RASAL2: variants seen among roughly 807,000 people sequenced by gnomAD.
The protein encoded by RASAL2 is RAS protein activator like 2.
RASAL2 carries 58 observed loss-of-function variants against 128.9 expected under a neutral mutation model. The ratio of observed to expected loss-of-function variants is 0.45; its 90% CI spans 0.36 to 0.56. The LOEUF (loss-of-function observed/expected upper bound fraction) is 0.56. RASAL2 is among the 20% of genes least tolerant of loss of function. The pLI, the probability that RASAL2 is intolerant of heterozygous loss-of-function variation, is 0.00. For synonymous variants in RASAL2, 561 were observed against 580.8 expected (o/e 0.97, Z 0.49); for missense variants, 1,360 against 1,601.6 (o/e 0.85, Z 2.57).
intron 3 of RASAL2, among the ~76,000 whole-genome samples, chr1:178,307,280 A>C (rs1257870577): frequency 6.6e-6 from 1 of 152,066 alleles, no homozygotes; most frequent in Admixed American, 6.6e-5. Context: ...TACTTTTAAA[A>C]AAAAAATTTT....
intron 1 of RASAL2, among the ~76,000 whole-genome samples, chr1:178,255,930 G>A (rs928883650): frequency 2.0e-5 from 3 of 152,098 alleles, no homozygotes; most frequent in African/African-American, 7.2e-5. Context: ...TCAACTATAC[G>A]TTTTCTACAG....
intron 1 of RASAL2, among the ~76,000 whole-genome samples, chr1:178,141,677 G>A (rs910773492): frequency 6.6e-6 from 1 of 152,190 alleles, no homozygotes; most frequent in Middle Eastern, 3.4e-3. Flanking sequence ...GAGTGCCTTC[G>A]ATGTCATTAA....
chr1:178,278,061 A>C (rs1185927559), intron 1 of RASAL2, among the ~76,000 whole-genome samples: 1 of 152,188 alleles, frequency 6.6e-6, no homozygotes, highest in Admixed American at 6.5e-5. Flanking sequence ...TAAGCAAAAG[A>C]ATGAAAGCTG....
chr1:178,184,757 C>G (rs1218436161), intron 1 of RASAL2, among the ~76,000 whole-genome samples: 1 of 151,990 alleles, frequency 6.6e-6, no homozygotes, highest in Non-Finnish European at 1.5e-5. Context: ...CAGTGTGATC[C>G]TTCAACTTTG....
intron 1 of RASAL2, among the ~76,000 whole-genome samples, chr1:178,277,147 CAAAAA>C (rs61384367): frequency 1.8e-5 from 1 of 55,146 alleles, no homozygotes; most frequent in Non-Finnish European, 3.5e-5. Context: ...GATTCCCTCT[CAAAAA>C]AAAAAAAAAA....
intron 5 of RASAL2, among the ~76,000 whole-genome samples, chr1:178,432,831 C>T (rs1177252654): frequency 6.6e-6 from 1 of 152,104 alleles, no homozygotes; most frequent in Non-Finnish European, 1.5e-5. Flanking sequence ...AGATTACTAC[C>T]ATAATCAATG....
chr1:178,114,067 T>TG (rs1304549841), intron 1 of RASAL2, among the ~76,000 whole-genome samples: 13 of 152,202 alleles, frequency 8.5e-5, no homozygotes, highest in African/African-American at 1.9e-4. Flanking sequence ...CTAGTGTTTT[T>TG]TTTTGTTTTG....
intron 1 of RASAL2, among the ~76,000 whole-genome samples, chr1:178,256,655 T>C (rs763599056): frequency 6.6e-6 from 1 of 152,168 alleles, no homozygotes; most frequent in Non-Finnish European, 1.5e-5. Flanking sequence ...GGATACAAAA[T>C]CAATGTATAG....
intron 3 of RASAL2, among the ~76,000 whole-genome samples, chr1:178,337,519 G>C (rs1446282885): frequency 6.6e-6 from 1 of 152,126 alleles, no homozygotes; most frequent in Non-Finnish European, 1.5e-5. Context: ...AAAAGACACT[G>C]TGTTTATGGT....
At chr1:178,322,048 G>T (rs1222218574) in intron 3 of RASAL2, among the ~76,000 whole-genome samples, 1 of 151,570 alleles carries the variant, frequency 6.6e-6, no homozygotes, top group Non-Finnish European at 1.5e-5. Flanking sequence ...GCCCAGGCTG[G>T]TCTCAAACTC....
chr1:178,386,471 A>G (rs916580987), intron 3 of RASAL2, among the ~76,000 whole-genome samples: 7 of 152,200 alleles, frequency 4.6e-5, no homozygotes, highest in African/African-American at 1.7e-4. Context: ...TCTTTGTTCA[A>G]TACATCATTC....
intron 3 of RASAL2, among the ~76,000 whole-genome samples, chr1:178,360,841 A>G (rs1031612513): frequency 2.0e-5 from 3 of 152,152 alleles, no homozygotes; most frequent in Non-Finnish European, 4.4e-5. Context: ...CTTGGTTTGT[A>G]GGTATGGGTG....
At chr1:178,393,768 T>C (rs1326638627) in intron 4 of RASAL2, among the ~76,000 whole-genome samples, 1 of 152,200 alleles carries the variant, frequency 6.6e-6, no homozygotes, top group Non-Finnish European at 1.5e-5. Context: ...CGATCATCTT[T>C]ATAACAACCC....
Position 178,149,104 on chromosome 1 carries a change from CTTG to C in RASAL2, c.202+54414_202+54416del, listed in dbSNP as rs1660827025. Reference sequence around the variant, plus strand: ...TGATCTAAACCCATGTAAAAATACCCTTGTTGAGTTAGATTATTCTAGGACATA... The same window carrying C: ...TGATCTAAACCCATGTAAAAATACCCTTGAGTTAGATTATTCTAGGACATA... On this transcript the variant is annotated intron_variant, in intron 1 of 17. Coordinates refer to ENST00000367649, the MANE Select transcript of RASAL2 (RefSeq NM_170692.4). Among the ~76,000 whole-genome samples, 3 of 152,104 alleles carry C rather than the reference CTTG, an allele frequency of 2.0e-5. No homozygotes were observed. The East Asian group carries it at 5.8e-4, about 29-fold the overall frequency.
At chr1:178,120,730 A>T (rs2102273169) in intron 1 of RASAL2, among the ~76,000 whole-genome samples, 1 of 152,346 alleles carries the variant, frequency 6.6e-6, no homozygotes, top group African/African-American at 2.4e-5. Context: ...CAGCGCTAGC[A>T]TTACCACCTC....
intron 1 of RASAL2, among the ~76,000 whole-genome samples, chr1:178,160,588 T>A (rs1252241940): frequency 1.3e-5 from 2 of 152,174 alleles, no homozygotes; most frequent in Non-Finnish European, 2.9e-5. Context: ...TGAGCCGAGA[T>A]CGCACCACTG....
rs536060901 is a variant in RASAL2, at chr1:178,263,656, T to C, written c.203-19908T>C. Among the ~76,000 whole-genome samples the C allele has an allele frequency of 1.2e-4, 18 of 152,252 alleles. No individual in the cohort carries two copies. In the East Asian group the frequency reaches 1.3e-3, roughly 11 times the overall value. On this transcript the variant is annotated intron_variant, in intron 1 of 17. Transcript: ENST00000367649. Reference sequence around the variant, plus strand: ...GTTGAGGACATGGGTCTTGCCAGGGTTTCAGTTTGACTCTGAGCCTCCCTT... The same window carrying C: ...GTTGAGGACATGGGTCTTGCCAGGGCTTCAGTTTGACTCTGAGCCTCCCTT...
At chr1:178,447,319 C>T (rs2654727) in intron 9 of RASAL2, among the ~76,000 whole-genome samples, 13 of 149,302 alleles carry the variant, frequency 8.7e-5, no homozygotes, top group African/African-American at 3.2e-4. Flanking sequence ...AAGACCTTGT[C>T]TTAAAAAAAA....
intron 3 of RASAL2, chr1:178,372,287 G>T: frequency 2.0e-6 from 2 of 985,370 alleles, no homozygotes; most frequent in Non-Finnish European, 2.4e-6. Flanking sequence ...TTGGATAGTA[G>T]CACCGAAGAA....
Sources: gnomAD v4.1 joint callset for allele counts (sites outside exome capture counted in the v4.1 genomes callset) on GRCh38, gnomAD v4.1.1 for gene constraint, MANE v1.5 for transcripts, NCBI Gene and HGNC (gene_info 2026-07-23, HGNC 2026-07-21) for gene names.